CCDC148: variants seen among roughly 807,000 people sequenced by gnomAD.
CCDC148 encodes the protein coiled-coil domain containing 148.
A neutral mutation model predicts 85.7 loss-of-function variants in CCDC148; 89 were observed. The ratio of observed to expected loss-of-function variants is 1.04; its 90% CI spans 0.87 to 1.24. The LOEUF is 1.24. Among genes scored for constraint, CCDC148 ranks in the 50% most tolerant of loss-of-function variants. The pLI, the probability that CCDC148 is intolerant of heterozygous loss-of-function variation, is 0.00. For missense variants in CCDC148, 692 were observed against 671.7 expected (o/e 1.03, Z -0.33); for synonymous variants, 230 against 213.9 (o/e 1.08, Z -0.66).
chr2:158,281,394 T>C (rs7585814), intron 9 of CCDC148, among the ~76,000 whole-genome samples: 2 of 152,034 alleles, frequency 1.3e-5, no homozygotes, highest in Non-Finnish European at 2.9e-5. Flanking sequence ...ACTAATAAAG[T>C]AGAAAAGAGA....
intron 2 of CCDC148, among the ~76,000 whole-genome samples, chr2:158,352,411 G>C (rs549217604): frequency 3.4e-4 from 52 of 152,300 alleles, no homozygotes; most frequent in African/African-American, 1.1e-3. Context: ...ACCAAGGCTC[G>C]AGAACTACGT....
intron 10 of CCDC148, among the ~76,000 whole-genome samples, chr2:158,245,710 A>C (rs987048067): frequency 1.3e-5 from 2 of 152,198 alleles, no homozygotes; most frequent in Non-Finnish European, 2.9e-5. Flanking sequence ...ACAAAGAGCC[A>C]CATCTAGAGA....
At chr2:158,246,056 G>C (rs552738728) in intron 10 of CCDC148, among the ~76,000 whole-genome samples, 2 of 152,280 alleles carry the variant, frequency 1.3e-5, no homozygotes, top group African/African-American at 4.8e-5. Context: ...CAGTAAATTG[G>C]TCATAACAGA....
intron 1 of CCDC148, among the ~76,000 whole-genome samples, chr2:158,440,550 C>T (rs560088771): frequency 6.2e-4 from 95 of 152,194 alleles, no homozygotes; most frequent in South Asian, 2.5e-3. Flanking sequence ...AACCTATATA[C>T]GCTGTTTTTT....
chr2:158,414,817 T>G (rs1686421553), intron 1 of CCDC148, among the ~76,000 whole-genome samples: 1 of 152,192 alleles, frequency 6.6e-6, no homozygotes, highest in African/African-American at 2.4e-5. Context: ...AAATTTGGTT[T>G]CCATCATCCA....
intron 1 of CCDC148, among the ~76,000 whole-genome samples, chr2:158,380,573 A>G (rs1005711572): frequency 6.6e-6 from 1 of 152,170 alleles, no homozygotes; most frequent in Non-Finnish European, 1.5e-5. Flanking sequence ...TACAATCTCA[A>G]CTGAAATCCT....
At chr2:158,321,490 A>C (rs1692517334) in intron 7 of CCDC148, among the ~76,000 whole-genome samples, 1 of 152,200 alleles carries the variant, frequency 6.6e-6, no homozygotes, top group Non-Finnish European at 1.5e-5. Flanking sequence ...GCAGAACCTG[A>C]GACTGGACAT....
intron 1 of CCDC148, among the ~76,000 whole-genome samples, chr2:158,370,701 T>C (rs1265661814): frequency 6.6e-6 from 1 of 151,942 alleles, no homozygotes; most frequent in Non-Finnish European, 1.5e-5. Context: ...AACCAAAAGA[T>C]GTACTATTAG....
chr2:158,273,984 G>A (rs1469534164), intron 9 of CCDC148, among the ~76,000 whole-genome samples: 1 of 152,156 alleles, frequency 6.6e-6, no homozygotes, highest in Non-Finnish European at 1.5e-5. Flanking sequence ...TGGGCTCAGA[G>A]CCAAGGGTTA....
At chr2:158,256,227 T>C (rs1689005475) in intron 9 of CCDC148, among the ~76,000 whole-genome samples, 1 of 151,802 alleles carries the variant, frequency 6.6e-6, no homozygotes, top group Non-Finnish European at 1.5e-5. Context: ...AAATGAATAT[T>C]GAACATCTGC....
intron 2 of CCDC148, among the ~76,000 whole-genome samples, chr2:158,356,507 A>G (rs1006349956): frequency 9.2e-5 from 14 of 152,282 alleles, no homozygotes; most frequent in African/African-American, 3.1e-4. Flanking sequence ...CCATCAGAGA[A>G]ATGCAAATCA....
chr2:158,273,829 C>T (rs1223221894), intron 9 of CCDC148, among the ~76,000 whole-genome samples: 1 of 152,112 alleles, frequency 6.6e-6, no homozygotes, highest in Non-Finnish European at 1.5e-5. Flanking sequence ...AATTTAGGTT[C>T]AGCATGATCT....
intron 9 of CCDC148, among the ~76,000 whole-genome samples, chr2:158,253,440 A>C (rs1288432461): frequency 6.6e-6 from 1 of 151,588 alleles, no homozygotes; most frequent in Non-Finnish European, 1.5e-5. Context: ...TTCATAAAAT[A>C]TTCATGGCCT....
intron 1 of CCDC148, among the ~76,000 whole-genome samples, chr2:158,435,249 G>A (rs55722374): frequency 2.0e-5 from 3 of 152,314 alleles, no homozygotes; most frequent in Non-Finnish European, 4.4e-5. Context: ...TACCCACAAA[G>A]GGAAGCCCAT....
chr2:158,236,304 G>A (rs892521865), intron 10 of CCDC148: 1 of 152,066 alleles, frequency 6.6e-6, no homozygotes, highest in African/African-American at 2.4e-5. Context: ...AAGTATTCTT[G>A]GGTAAACACA....
At chr2:158,227,685 T>A (rs182004074) in intron 10 of CCDC148, among the ~76,000 whole-genome samples, 393 of 152,220 alleles carry the variant, frequency 2.6e-3, no homozygotes, top group African/African-American at 9.1e-3. Context: ...TTGACAAACC[T>A]GACAAAAACA....
chr2:158,454,452 C>A (rs187921325), intron 1 of CCDC148, among the ~76,000 whole-genome samples: 3 of 152,170 alleles, frequency 2.0e-5, no homozygotes, highest in African/African-American at 7.2e-5. Flanking sequence ...AATGTGGTCA[C>A]CCTTCTCAGC....
At chr2:158,269,319 T>G (rs1426433404) in intron 9 of CCDC148, among the ~76,000 whole-genome samples, 1 of 152,088 alleles carries the variant, frequency 6.6e-6, no homozygotes, top group Admixed American at 6.6e-5. Context: ...TTTGAGCACA[T>G]GTTCATGTAC....
intron 7 of CCDC148, among the ~76,000 whole-genome samples, chr2:158,318,463 T>C (rs1692377577): frequency 6.6e-6 from 1 of 152,160 alleles, no homozygotes; most frequent in South Asian, 2.1e-4. Flanking sequence ...TTCTGAAGAA[T>C]GATGAAAAGA....
Sources: gnomAD v4.1 joint callset for allele counts (sites outside exome capture counted in the v4.1 genomes callset) on GRCh38, gnomAD v4.1.1 for gene constraint, MANE v1.5 for transcripts, NCBI Gene and HGNC (gene_info 2026-07-23, HGNC 2026-07-21) for gene names.